LNP1: variants seen among roughly 807,000 people sequenced by gnomAD.
LNP1 encodes the protein leukemia NUP98 fusion partner 1.
A neutral mutation model predicts 14.5 loss-of-function variants in LNP1; 12 were observed. That is an observed-to-expected ratio of 0.83 (90% CI 0.53 to 1.34). The LOEUF is 1.34. LNP1 is among the 40% of genes most tolerant of loss of function. The pLI, the probability that LNP1 is intolerant of heterozygous loss-of-function variation, is 0.00. For synonymous variants in LNP1, 75 were observed against 71.4 expected (o/e 1.05, Z -0.26); for missense variants, 198 against 210.9 (o/e 0.94, Z 0.38).
At chr3:100,409,504 G>A (rs1707005626) in intron 1 of LNP1, among the ~76,000 whole-genome samples, 1 of 150,778 alleles carries the variant, frequency 6.6e-6, no homozygotes, top group Non-Finnish European at 1.5e-5. Context: ...TTAGCTGGGT[G>A]TGGTGGTGGG....
intron 3 of LNP1, among the ~76,000 whole-genome samples, chr3:100,452,591 A>G (rs980037343): frequency 6.6e-6 from 1 of 152,182 alleles, no homozygotes; most frequent in Non-Finnish European, 1.5e-5. Context: ...AAAAGAAAAA[A>G]AAACTGCCCC....
At chr3:100,418,240 T>G (rs1179128861) in intron 1 of LNP1, among the ~76,000 whole-genome samples, 2 of 151,464 alleles carry the variant, frequency 1.3e-5, no homozygotes, top group South Asian at 2.1e-4. Context: ...TTTTTTTTTT[T>G]TGTATTTTTA....
At chr3:100,434,230 G>C (rs1020207803) in intron 2 of LNP1, among the ~76,000 whole-genome samples, 1 of 152,108 alleles carries the variant, frequency 6.6e-6, no homozygotes, top group East Asian at 1.9e-4. Flanking sequence ...TCCATCCTGA[G>C]TTAATTTTTG....
chr3:100,407,692 T>C (rs1347751532), intron 1 of LNP1, among the ~76,000 whole-genome samples: 1 of 152,210 alleles, frequency 6.6e-6, no homozygotes, highest in Non-Finnish European at 1.5e-5. Flanking sequence ...TACACCCTTA[T>C]CTTTCTCTAC....
chr3:100,424,513 A>T, intron 1 of LNP1, among the ~76,000 whole-genome samples: 1 of 152,166 alleles, frequency 6.6e-6, no homozygotes, highest in Non-Finnish European at 1.5e-5. Flanking sequence ...TTTATTATGG[A>T]GGCTCAATAG....
intron 1 of LNP1, among the ~76,000 whole-genome samples, chr3:100,429,042 G>T (rs1023650972): frequency 1.3e-5 from 2 of 152,094 alleles, no homozygotes; most frequent in Non-Finnish European, 2.9e-5. Flanking sequence ...TAACACAGGG[G>T]TATATGTATA....
intron 2 of LNP1, among the ~76,000 whole-genome samples, chr3:100,439,454 G>A (rs1707324412): frequency 6.6e-6 from 1 of 152,062 alleles, no homozygotes; most frequent in African/African-American, 2.4e-5. Context: ...GCACCACTAT[G>A]CCAGCAAGCT....
chr3:100,451,421 G>T (rs1420152466), intron 2 of LNP1, among the ~76,000 whole-genome samples: 1 of 152,184 alleles, frequency 6.6e-6, no homozygotes, highest in Non-Finnish European at 1.5e-5. Context: ...TTGAGTTTCT[G>T]ATTAGCCTCT....
chr3:100,438,919 G>A (rs1415887620), intron 2 of LNP1, among the ~76,000 whole-genome samples: 1 of 152,142 alleles, frequency 6.6e-6, no homozygotes, highest in Non-Finnish European at 1.5e-5. Flanking sequence ...AGGTCTTATT[G>A]GGGAAAATTA....
intron 2 of LNP1, among the ~76,000 whole-genome samples, chr3:100,436,402 AG>A (rs1707294999): frequency 1.3e-5 from 2 of 152,088 alleles, no homozygotes; most frequent in South Asian, 4.2e-4. Flanking sequence ...CTTGGTGAAG[AG>A]GGGGTCTGTT....
chr3:100,416,601 G>GTT (rs1184838175), intron 1 of LNP1, among the ~76,000 whole-genome samples: 4 of 57,922 alleles, frequency 6.9e-5, no homozygotes, highest in South Asian at 4.5e-4. Context: ...TATCTTTTTT[G>GTT]TGTGTGTGTG....
intron 1 of LNP1, among the ~76,000 whole-genome samples, chr3:100,424,819 C>T (rs951663845): frequency 6.6e-6 from 1 of 152,122 alleles, no homozygotes; most frequent in Non-Finnish European, 1.5e-5. Flanking sequence ...TCTCCTTGGT[C>T]AAGGCATTTT....
chr3:100,417,371 C>CTTTTTTTTTTTTTTTTT lies in LNP1; in HGVS notation c.-33-12320_-33-12304dup, dbSNP rs562000656. 7.6e-4 allele frequency among the ~76,000 whole-genome samples: 49 copies of CTTTTTTTTTTTTTTTTT among 64,620 alleles called. 1 individual carries two copies. The highest frequency in any genetic ancestry group is 1.3e-3 in the Admixed American group (5 of 3,946). The allele number at this position is 64,620 out of a possible 152,430, so 42.4% of individuals were successfully genotyped here. On this transcript the variant is annotated intron_variant, in intron 1 of 3. Transcript: ENST00000383693. ...CTTTTTCTTTCTTTCTTTCTTTTTTCTTTTTTTTTTTTTTTTTTTTTTCGA... is the reference window on the plus strand; with the variant it reads ...CTTTTTCTTTCTTTCTTTCTTTTTTCTTTTTTTTTTTTTTTTTTTTTTTTTTTTTTTTTTTTTTTCGA...
At chr3:100,437,884 G>A (rs929547871) in intron 2 of LNP1, among the ~76,000 whole-genome samples, 3 of 152,198 alleles carry the variant, frequency 2.0e-5, no homozygotes, top group African/African-American at 7.2e-5. Flanking sequence ...GGAACCAGAT[G>A]TCACATGCTT....
At chr3:100,428,251 G>C (rs1279278520) in intron 1 of LNP1, among the ~76,000 whole-genome samples, 1 of 152,066 alleles carries the variant, frequency 6.6e-6, no homozygotes, top group Non-Finnish European at 1.5e-5. Context: ...AGCATATATG[G>C]GATCTGGCGT....
At chr3:100,441,648 A>G (rs899015049) in intron 2 of LNP1, among the ~76,000 whole-genome samples, 42 of 135,852 alleles carry the variant, frequency 3.1e-4, no homozygotes, top group African/African-American at 1.0e-3. Flanking sequence ...ATATATATAT[A>G]TATGTAAATT....
intron 1 of LNP1, among the ~76,000 whole-genome samples, chr3:100,421,829 G>A (rs1192395579): frequency 6.6e-6 from 1 of 152,094 alleles, no homozygotes; most frequent in Non-Finnish European, 1.5e-5. Flanking sequence ...AGAAAAGAAT[G>A]TTATGGAGGT....
In LNP1 at chr3:100,441,753, C is replaced by A. The variant is rs1167249568; in HGVS notation, c.157-9966C>A. ...TCTCAGCTCACTGCAACCTCCACCT[C>A]GTGAGTTCAGGTGATTCTTGTGCCT... is the stretch of plus-strand genomic sequence containing the variant. On this transcript the variant is annotated intron_variant, in intron 2 of 3. Coordinates refer to ENST00000383693, the MANE Select transcript of LNP1 (RefSeq NM_001085451.2). 3.9e-5 allele frequency among the ~76,000 whole-genome samples: 6 copies of A among 152,168 alleles called. No individual in the cohort carries two copies. The East Asian group carries it at 1.2e-3, about 29-fold the overall frequency.
At chr3:100,418,309 C>T (rs1394612582) in intron 1 of LNP1, among the ~76,000 whole-genome samples, 4 of 151,652 alleles carry the variant, frequency 2.6e-5, no homozygotes, top group Admixed American at 1.3e-4. Flanking sequence ...CCAACTGCCT[C>T]GGCCTCCCAA....
Sources: allele counts gnomAD v4.1 joint callset (sites outside exome capture counted in the v4.1 genomes callset), GRCh38; gene constraint gnomAD v4.1.1; transcripts MANE v1.5; gene names NCBI Gene and HGNC (gene_info 2026-07-23, HGNC 2026-07-21).